Variants in ZNF469 observed in about 807,000 individuals in gnomAD.
ZNF469 encodes the protein zinc finger protein 469.
In ZNF469, 1 loss-of-function variant was observed where a neutral mutation model predicts 1.0. The observed-to-expected ratio is 1.00, with a 90% CI of 0.35 to 4.73. ZNF469 has a LOEUF of 4.73. Among genes scored for constraint, ZNF469 ranks in the 30% most tolerant of loss-of-function variants. The probability of loss-of-function intolerance (pLI) is 0.16; values close to 1 mark genes in which losing one functional copy is unlikely to be tolerated. For missense variants in ZNF469, 6,100 were observed against 5,356.3 expected (o/e 1.14, Z -4.33); for synonymous variants, 2,703 against 2,363.4 (o/e 1.14, Z -4.17).
chr16:88,183,738 G>C, the ZNF469 span, among the ~76,000 whole-genome samples: 1 of 152,204 alleles, frequency 6.6e-6, no homozygotes, highest in Non-Finnish European at 1.5e-5. Context: ...AGCCTTATGT[G>C]TGTACGTGAT....
At position 88,429,334 on chromosome 16, in the gene ZNF469, G is replaced by C. The variant is rs1464836346; in HGVS notation, c.1864G>C (p.Glu622Gln). The C allele has an allele frequency of 1.3e-6, 2 of 1,549,934 alleles. No individual in the cohort carries two copies. The highest frequency in any genetic ancestry group is 1.7e-4 in the Middle Eastern group (1 of 5,990). Reference protein sequence around the residue: ...SSSPANPSSEESQLPGPLGPS... With the variant: ...SSSPANPSSEQSQLPGPLGPS... ...CAGCCCAGCCAACCCCAGCTCAGAG[G>C]AAAGCCAGCTCCCCGGCCCCCTCGG... Residue 622 changes from glutamate to glutamine, a missense_variant, in exon 3 of 3, where the codon GAA (glutamate) becomes CAA (glutamine). Physicochemically the swap from Glu to Gln is conservative, Grantham distance 29. Transcript: ENST00000565624.
the ZNF469 span, among the ~76,000 whole-genome samples, chr16:88,342,569 G>A: frequency 0.062 from 9,440 of 152,202 alleles, 383 homozygotes; most frequent in East Asian, 0.13. Flanking sequence ...CTGTGGTCCC[G>A]CAGCCCCTTC....
chr16:88,229,906 G>C, the ZNF469 span, among the ~76,000 whole-genome samples: 8 of 152,282 alleles, frequency 5.3e-5, no homozygotes, highest in South Asian at 1.7e-3. Flanking sequence ...CAGGGGCACG[G>C]GGCCAGTGGC....
At chr16:88,240,499 TGCCCAC>T in the ZNF469 span, among the ~76,000 whole-genome samples, 1 of 152,126 alleles carries the variant, frequency 6.6e-6, no homozygotes, top group Non-Finnish European at 1.5e-5. Context: ...CTCAACACTG[TGCCCAC>T]CAGGTGCAAG....
In ZNF469 at chr16:88,428,169, C is replaced by T. The variant is rs886052391; in HGVS notation, c.699C>T (p.Asp233=). ...CCGAATACCAGGCCAGTGGGGCCGACTCCTGGCCTCCCGCTGCTGAGAATA... is the reference window on the plus strand; with the variant it reads ...CCGAATACCAGGCCAGTGGGGCCGATTCCTGGCCTCCCGCTGCTGAGAATA... The part of the protein sequence containing the change: ...SYPEYQASGA[D]SWPPAAENSF... Residue 233 remains aspartate (D), a synonymous_variant, in exon 3 of 3, where the codon GAC becomes GAT. Transcript: ENST00000565624. 4 of 1,550,144 alleles carry T rather than the reference C, an allele frequency of 2.6e-6. No homozygotes were observed. Among genetic ancestry groups the T allele is most frequent in the East Asian group, 2.4e-5 (1 of 40,924 alleles).
chr16:88,240,348 T>C, the ZNF469 span, among the ~76,000 whole-genome samples: 1 of 151,232 alleles, frequency 6.6e-6, no homozygotes, highest in Non-Finnish European at 1.5e-5. Flanking sequence ...GAGAGAGAGA[T>C]TTGGAGGGAG....
At position 88,435,128 on chromosome 16, in the gene ZNF469, C is replaced by G. The variant is rs943211932; in HGVS notation, c.7658C>G (p.Pro2553Arg). 3 of 1,550,262 alleles carry G rather than the reference C, an allele frequency of 1.9e-6. No homozygotes were observed. The highest frequency in any genetic ancestry group is 2.6e-6 in the Non-Finnish European group (3 of 1,146,982). Residue 2553 changes from proline to arginine, a missense_variant, in exon 3 of 3, where the codon CCG becomes CGG. By Grantham distance (103) the Pro-to-Arg change is moderately radical. Coordinates refer to ENST00000565624, the MANE Select transcript of ZNF469 (RefSeq NM_001367624.2). ...GACCCCAGCCACGTCACCCAGCCAC[C>G]GCCTGCCCAGGGCTCAAAGGAGGTT... Reference protein sequence around the residue: ...RGDPSHVTQPPPAQGSKEVLR... With the variant: ...RGDPSHVTQPRPAQGSKEVLR...
the ZNF469 span, among the ~76,000 whole-genome samples, chr16:88,112,944 AT>A: frequency 6.6e-6 from 1 of 151,464 alleles, no homozygotes; most frequent in East Asian, 1.9e-4. Context: ...CGCCTGGCTA[AT>A]TTTTTTGCAT....
At chr16:88,190,617 G>A in the ZNF469 span, among the ~76,000 whole-genome samples, 1 of 152,192 alleles carries the variant, frequency 6.6e-6, no homozygotes, top group Non-Finnish European at 1.5e-5. Context: ...AAGACTCCAG[G>A]CTGGAAGCAA....
At chr16:88,309,560 C>T in the ZNF469 span, among the ~76,000 whole-genome samples, 2 of 149,188 alleles carry the variant, frequency 1.3e-5, no homozygotes, top group Admixed American at 1.3e-4. Flanking sequence ...GGGGAGTACC[C>T]TCTGAGGTCC....
the ZNF469 span, among the ~76,000 whole-genome samples, chr16:88,284,537 G>T: frequency 6.6e-6 from 1 of 151,424 alleles, no homozygotes; most frequent in African/African-American, 2.4e-5. Flanking sequence ...CTTGAGCCCA[G>T]GAGGTCAAGG....
At chr16:88,421,889 T>C (rs2142290728) in intron 1 of ZNF469, among the ~76,000 whole-genome samples, 1 of 152,344 alleles carries the variant, frequency 6.6e-6, no homozygotes. Flanking sequence ...AGCCTAAGGC[T>C]GCGAATCTGT....
chr16:88,287,361 G>A, the ZNF469 span, among the ~76,000 whole-genome samples: 10 of 152,332 alleles, frequency 6.6e-5, no homozygotes, highest in African/African-American at 1.9e-4. Context: ...TTCTCTAGGT[G>A]CACATGTATA....
chr16:88,256,900 T>TTCTCTCTCTCTCTC, the ZNF469 span, among the ~76,000 whole-genome samples: 14 of 18,168 alleles, frequency 7.7e-4, no homozygotes, highest in African/African-American at 2.5e-3. Flanking sequence ...CTTTCCTTCT[T>TTCTCTCTCTCTCTC]TCTTTCTTTC....
At chr16:88,380,181 A>ATGC, upstream of ZNF469, among the ~76,000 whole-genome samples, 1 of 141,708 alleles carries the variant, frequency 7.1e-6, no homozygotes, top group East Asian at 2.2e-4. Context: ...ACTCACACAC[A>ATGC]AATGCACTCA....
At position 88,431,407 on chromosome 16, in the gene ZNF469, T is replaced by C. The variant is rs1906173120; in HGVS notation, c.3937T>C (p.Ser1313Pro). 1.3e-6 allele frequency: 2 copies of C among 1,550,074 alleles called. No individual in the cohort carries two copies. The highest frequency in any genetic ancestry group is 1.4e-5 in the African/African-American group (1 of 73,018). ...GGPGGTQAPV[S>P]HNSKDPPARQ... ...TCCTGGGGGCACACAGGCCCCAGTCTCCCACAACAGCAAGGACCCCCCTGC... is the reference window on the plus strand; with the variant it reads ...TCCTGGGGGCACACAGGCCCCAGTCCCCCACAACAGCAAGGACCCCCCTGC... Residue 1313 changes from serine (S) to proline (P), a missense_variant, in exon 3 of 3, where the codon TCC becomes CCC. Transcript: ENST00000565624.
At chr16:88,329,324 T>C in the ZNF469 span, among the ~76,000 whole-genome samples, 324 of 152,328 alleles carry the variant, frequency 2.1e-3, 1 homozygote, top group African/African-American at 7.5e-3. Flanking sequence ...TGGGTTAGTA[T>C]TGATCCAGAT....
In ZNF469 at chr16:88,434,919, C is replaced by T. The variant is rs1399858365; in HGVS notation, c.7449C>T (p.Ser2483=). ...TCEVCAASFR[S]GPGLSRHKAR... ...AGGTCTGCGCAGCCTCCTTCCGCTCCGGGCCGGGCCTGAGCCGGCACAAGG... is the reference window on the plus strand; with the variant it reads ...AGGTCTGCGCAGCCTCCTTCCGCTCTGGGCCGGGCCTGAGCCGGCACAAGG... The change falls in exon 3 of 3, where the codon TCC becomes TCT. Residue 2483 remains serine, a synonymous_variant. Coordinates refer to ENST00000565624, the MANE Select transcript of ZNF469 (RefSeq NM_001367624.2). The T allele has an allele frequency of 1.9e-5, 30 of 1,550,130 alleles. No homozygotes were observed. Among genetic ancestry groups the T allele is most frequent in the East Asian group, 1.2e-4 (5 of 40,938 alleles).
chr16:88,413,823 A>G (rs1255933178), intron 1 of ZNF469, among the ~76,000 whole-genome samples: 2 of 152,150 alleles, frequency 1.3e-5, no homozygotes, highest in Non-Finnish European at 2.9e-5. Flanking sequence ...CAGCCTCCGC[A>G]GCAGTGGGGA....
Sources: allele counts gnomAD v4.1 joint callset (sites outside exome capture counted in the v4.1 genomes callset), GRCh38; gene constraint gnomAD v4.1.1; transcripts MANE v1.5; gene names NCBI Gene and HGNC (gene_info 2026-07-23, HGNC 2026-07-21).